PRH1: variants seen among roughly 807,000 people sequenced by gnomAD.
PRH1 encodes salivary acidic proline-rich phosphoprotein 1/2.
PRH1 carries 7 observed loss-of-function variants against 7.9 expected under a neutral mutation model. That is an observed-to-expected ratio of 0.89 (90% CI 0.50 to 1.67). The LOEUF is 1.67. PRH1 is among the 40% of genes most tolerant of loss of function. The probability of loss-of-function intolerance (pLI) is 0.00; values close to 1 mark genes in which losing one functional copy is unlikely to be tolerated. For synonymous variants in PRH1, 45 were observed against 80.8 expected, an observed-to-expected ratio of 0.56 and a Z score of 2.38; for missense variants, 109 against 223.6, an observed-to-expected ratio of 0.49 and a Z score of 3.27.
intron 1 of PRH1, among the ~76,000 whole-genome samples, chr12:11,018,172 C>G (rs552281788): frequency 6.6e-6 from 1 of 151,906 alleles, no homozygotes; most frequent in African/African-American, 2.4e-5. Flanking sequence ...TCCATCAAGC[C>G]CGTAGGAGAG....
At position 11,020,363 on chromosome 12, in the gene PRH1, G is replaced by GATATATCTATATATATATAT. The variant is rs1941545453; in HGVS notation, c.-126+26656_-126+26657insATATATATATATAGATATAT. Among the ~76,000 whole-genome samples, 328 of 87,534 alleles carry GATATATCTATATATATATAT rather than the reference G, an allele frequency of 3.7e-3. 8 individuals carry two copies. Among genetic ancestry groups the GATATATCTATATATATATAT allele is most frequent in the Middle Eastern group, 0.035 (4 of 114 alleles). The allele number at this position is 87,534 out of a possible 152,430, so 57.4% of individuals were successfully genotyped here. A position where few individuals can be genotyped will look rare whatever the true frequency, so the allele number is the denominator to read the frequency against. On this transcript the variant is annotated intron_variant, in intron 1 of 3. Coordinates refer to the PRH1 transcript ENST00000539853. ...GTACTAGGGAGGACGTATGATAAGC[G>GATATATCTATATATATATAT]ATATATATATATATATATATATATA...
chr12:10,891,742 A>C (rs1949576232), intron 2 of PRH1: 1 of 152,248 alleles, frequency 6.6e-6, no homozygotes, highest in African/African-American at 2.4e-5. Flanking sequence ...TATTTCTTCA[A>C]GCTTCAGTCC....
rs1212939378 is a variant in PRH1, at chr12:11,153,800, A to G, written n.39+17622T>C. On this transcript the variant is annotated intron_variant and non_coding_transcript_variant, in intron 1 of 1. Coordinates refer to the PRH1 transcript ENST00000541175. ...AGACTTGTAAGATTTTGTGAATTTT[A>G]TACCAACACACACCTGAGATATATG... Among the ~76,000 whole-genome samples, 3 of 152,224 alleles carry G rather than the reference A, an allele frequency of 2.0e-5. No individual in the cohort carries two copies. The East Asian group carries it at 5.8e-4, about 29-fold the overall frequency.
intron 1 of PRH1, among the ~76,000 whole-genome samples, chr12:10,999,430 C>T (rs11054144): frequency 0.31 from 46,343 of 151,936 alleles, 8,928 homozygotes; most frequent in East Asian, 0.74. Context: ...TAAGAATGTA[C>T]GTAAATGGTG....
chr12:11,130,972 C>T (rs1174187124), intron 1 of PRH1, among the ~76,000 whole-genome samples: 1 of 152,260 alleles, frequency 6.6e-6, no homozygotes, highest in African/African-American at 2.4e-5. Context: ...TCACTATCTC[C>T]TGTTCCCCTG....
chr12:11,145,215 G>T (rs993814161), intron 1 of PRH1, among the ~76,000 whole-genome samples: 1 of 152,018 alleles, frequency 6.6e-6, no homozygotes, highest in Non-Finnish European at 1.5e-5. Context: ...TCTTTGAAAC[G>T]GAGTCTCGCC....
Position 11,168,240 on chromosome 12 carries a change from GAAA to G in PRH1, n.39+3179_39+3181del, listed in dbSNP as rs1947652600. On this transcript the variant is annotated intron_variant and non_coding_transcript_variant, in intron 1 of 1. Coordinates refer to the PRH1 transcript ENST00000541175. Reference sequence around the variant, plus strand: ...AGAAAGAAAGAAAGAAAGAAAGAAAGAAAGAAAGAAAGAAAGAAAGAAAGAAAG... The same window carrying G: ...AGAAAGAAAGAAAGAAAGAAAGAAAGGAAAGAAAGAAAGAAAGAAAGAAAG... Among the ~76,000 whole-genome samples the G allele has an allele frequency of 3.2e-4, 3 of 9,522 alleles. 1 individual carries two copies. In the East Asian group the frequency reaches 0.014, roughly 44 times the overall value. The allele number at this position is 9,522 out of a possible 152,430, so 6.2% of individuals were successfully genotyped here.
chr12:10,950,496 C>T (rs1006687255), intron 2 of PRH1, among the ~76,000 whole-genome samples: 1 of 151,660 alleles, frequency 6.6e-6, no homozygotes, highest in Non-Finnish European at 1.5e-5. Flanking sequence ...ACATATTACT[C>T]TTTTTTCATT....
rs76282209 is a variant in PRH1, at chr12:11,161,708, A to G, written n.39+9714T>C. Among the ~76,000 whole-genome samples, 27 of 152,316 alleles carry G rather than the reference A, an allele frequency of 1.8e-4. No individual in the cohort carries two copies. The East Asian group carries it at 2.7e-3, about 15-fold the overall frequency. ...CACCGGTTTGGGGTATCAAACAGCA[A>G]TAAGTGAGACTGAAAAAAAAATTAA... On this transcript the variant is annotated intron_variant and non_coding_transcript_variant, in intron 1 of 1. Coordinates refer to the PRH1 transcript ENST00000541175.
chr12:11,126,069 AACAT>A, intron 1 of PRH1, among the ~76,000 whole-genome samples: 1 of 140,482 alleles, frequency 7.1e-6, no homozygotes. Context: ...TATGAAACAT[AACAT>A]ATATATAAAT....
intron 1 of PRH1, chr12:11,030,734 G>A (rs575247464): frequency 6.2e-7 from 1 of 1,614,210 alleles, no homozygotes; most frequent in East Asian, 2.2e-5. Flanking sequence ...TTTACACAGA[G>A]AACAGATTAA....
At chr12:10,959,034 T>C (rs1413307390) in intron 2 of PRH1, among the ~76,000 whole-genome samples, 6 of 152,200 alleles carry the variant, frequency 3.9e-5, no homozygotes, top group Non-Finnish European at 8.8e-5. Flanking sequence ...CCTGGCAAGA[T>C]ATGCAGCAGT....
intron 2 of PRH1, among the ~76,000 whole-genome samples, chr12:10,931,432 T>C: frequency 6.6e-6 from 1 of 152,200 alleles, no homozygotes; most frequent in East Asian, 1.9e-4. Context: ...CAGGACAGGC[T>C]CAGTCCTGCC....
At position 11,073,288 on chromosome 12, in the gene PRH1, T is replaced by G. The variant is rs2123004; in HGVS notation, n.124-26100A>C. On this transcript the variant is annotated intron_variant and non_coding_transcript_variant, in intron 1 of 4. Transcript: ENST00000541977. ...CTGTATTTACAGCCATGTGCTACCA[T>G]GCCTGGCAATTTTTTTTTTTTTTAA... Among the ~76,000 whole-genome samples, 640 of 87,854 alleles carry G rather than the reference T, an allele frequency of 7.3e-3. 11 individuals are homozygous for G. The highest frequency in any genetic ancestry group is 8.5e-3 in the Admixed American group (74 of 8,746). 57.6% of individuals were successfully genotyped at this position (87,854 alleles called of 152,430 possible).
chr12:10,914,615 G>A (rs933513619), intron 2 of PRH1, among the ~76,000 whole-genome samples: 10 of 152,080 alleles, frequency 6.6e-5, no homozygotes, highest in East Asian at 3.9e-4. Context: ...GTTATAAGTC[G>A]TATTTACATT....
chr12:10,939,467 T>C (rs1304530779), intron 2 of PRH1, among the ~76,000 whole-genome samples: 1 of 152,096 alleles, frequency 6.6e-6, no homozygotes, highest in African/African-American at 2.4e-5. Flanking sequence ...GGCTGAAGTC[T>C]TTTGTAGCTG....
intron 1 of PRH1, chr12:11,076,844 A>C (rs1944311097): frequency 8.7e-6 from 1 of 115,184 alleles, no homozygotes; most frequent in South Asian, 2.3e-4. Flanking sequence ...ACGTAAAATA[A>C]GAATTCCTAA....
At chr12:10,972,166 G>T (rs1256966456) in intron 2 of PRH1, among the ~76,000 whole-genome samples, 3 of 152,048 alleles carry the variant, frequency 2.0e-5, no homozygotes, top group Non-Finnish European at 4.4e-5. Flanking sequence ...TAGGTGTCAT[G>T]GGAAAATACA....
intron 2 of PRH1, among the ~76,000 whole-genome samples, chr12:10,936,902 G>T (rs1464463549): frequency 2.0e-5 from 3 of 152,056 alleles, no homozygotes; most frequent in Non-Finnish European, 2.9e-5. Context: ...GAAGCAGATT[G>T]GTTATTAGCA....
Sources: gnomAD v4.1 joint callset for allele counts (sites outside exome capture counted in the v4.1 genomes callset) on GRCh38, gnomAD v4.1.1 for gene constraint, MANE v1.5 for transcripts, NCBI Gene and HGNC (gene_info 2026-07-23, HGNC 2026-07-21) for gene names.